Variants in FAM120A observed in about 807,000 individuals in gnomAD.
FAM120A encodes family with sequence similarity 120 member A.
FAM120A carries 15 observed loss-of-function variants against 109.7 expected under a neutral mutation model. That is an observed-to-expected ratio of 0.14 (90% CI 0.09 to 0.21). The LOEUF is 0.21. Ranked by LOEUF, FAM120A falls within the 10% of genes least tolerant of loss-of-function variation. FAM120A has a pLI of 1.00. For synonymous variants in FAM120A, 493 were observed against 572.8 expected, an observed-to-expected ratio of 0.86 and a Z score of 1.99; for missense variants, 899 against 1,439.3, an observed-to-expected ratio of 0.62 and a Z score of 6.07.
At chr9:93,456,272 A>C (rs528207086) in intron 1 of FAM120A, among the ~76,000 whole-genome samples, 1 of 152,324 alleles carries the variant, frequency 6.6e-6, no homozygotes, top group Admixed American at 6.5e-5. Flanking sequence ...TAGTGGCATG[A>C]AGTCACTGGA....
At chr9:93,457,507 A>G (rs1857603119) in intron 1 of FAM120A, among the ~76,000 whole-genome samples, 1 of 152,122 alleles carries the variant, frequency 6.6e-6, no homozygotes, top group South Asian at 2.1e-4. Context: ...CAGTCCCTAA[A>G]TAGTATTCCA....
chr9:93,542,589 C>T (rs955943798), intron 10 of FAM120A, among the ~76,000 whole-genome samples: 1 of 152,198 alleles, frequency 6.6e-6, no homozygotes, highest in African/African-American at 2.4e-5. Flanking sequence ...GATAACTTTA[C>T]ACTCTGTCTG....
chr9:93,558,105 C>A, intron 14 of FAM120A, 95 bp downstream of exon 14: 1 of 1,279,014 alleles, frequency 7.8e-7, no homozygotes, highest in Non-Finnish European at 1.0e-6. Context: ...GCTGTGTTGA[C>A]CTTGTCACTG....
intron 2 of FAM120A, among the ~76,000 whole-genome samples, chr9:93,475,673 A>G (rs1438009654): frequency 6.6e-6 from 1 of 152,204 alleles, no homozygotes; most frequent in Non-Finnish European, 1.5e-5. Flanking sequence ...TGATAGGATG[A>G]GCAGCTTAAT....
intron 8 of FAM120A, among the ~76,000 whole-genome samples, chr9:93,528,589 A>T (rs1471322490): frequency 6.6e-6 from 1 of 152,154 alleles, no homozygotes; most frequent in Non-Finnish European, 1.5e-5. Flanking sequence ...GTGTATGTCC[A>T]TACACTCCAT....
intron 11 of FAM120A, among the ~76,000 whole-genome samples, chr9:93,549,641 G>A (rs1432265168): frequency 6.6e-6 from 1 of 152,200 alleles, no homozygotes; most frequent in Non-Finnish European, 1.5e-5. Flanking sequence ...GGAATGGAAA[G>A]AGCTTTGTTA....
intron 1 of FAM120A, among the ~76,000 whole-genome samples, chr9:93,454,606 G>C (rs1857468885): frequency 6.6e-6 from 1 of 152,144 alleles, no homozygotes; most frequent in African/African-American, 2.4e-5. Flanking sequence ...AGCAAGAAGT[G>C]ACAAGAGAGA....
intron 3 of FAM120A, among the ~76,000 whole-genome samples, chr9:93,484,250 G>T (rs1308788184): frequency 6.6e-6 from 1 of 151,998 alleles, no homozygotes. Flanking sequence ...TTAGGAGTAG[G>T]TCTCCAGTCA....
chr9:93,563,499 G>T (rs1009409007), intron 17 of FAM120A, among the ~76,000 whole-genome samples: 6 of 152,198 alleles, frequency 3.9e-5, no homozygotes, highest in African/African-American at 1.2e-4. Flanking sequence ...TGTTTGTGCT[G>T]CTAAACACCC....
chr9:93,455,714 G>T lies in FAM120A; in HGVS notation c.474+3325G>T, dbSNP rs557681329. Among the ~76,000 whole-genome samples the T allele has an allele frequency of 6.9e-4, 105 of 151,850 alleles. 1 individual carries two copies. The highest frequency in any genetic ancestry group is 2.2e-3 in the African/African-American group (91 of 41,406). On this transcript the variant is annotated intron_variant, in intron 1 of 17. Coordinates refer to ENST00000277165, the MANE Select transcript of FAM120A (RefSeq NM_014612.5). ...GTCTCACTCTGTCTCTCAGGCTGGA[G>T]TGCAGTGGCGCGATCTCGGCTCACT...
intron 10 of FAM120A, among the ~76,000 whole-genome samples, chr9:93,542,760 A>G (rs550676780): frequency 1.3e-5 from 2 of 152,356 alleles, no homozygotes; most frequent in Admixed American, 6.5e-5. Flanking sequence ...CTGCATGCAA[A>G]TTATTTCTCA....
intron 11 of FAM120A, among the ~76,000 whole-genome samples, chr9:93,548,192 GT>G (rs1861961356): frequency 1.3e-5 from 2 of 151,952 alleles, no homozygotes; most frequent in Admixed American, 6.6e-5. Flanking sequence ...TTCAAGCTCC[GT>G]CCTGGGTTCA....
Position 93,529,384 on chromosome 9 carries a change from G to T in FAM120A, c.1538G>T (p.Ser513Ile), listed in dbSNP as rs1432343083. 1 of 1,611,514 alleles carries T rather than the reference G, an allele frequency of 6.2e-7. No individual in the cohort carries two copies. The change falls in exon 9 of 18, where the codon AGC becomes ATC. Residue 513 changes from serine to isoleucine, a missense_variant. Coordinates refer to ENST00000277165, the MANE Select transcript of FAM120A (RefSeq NM_014612.5). ...GGCTCGTCCACTGCCTCTTCAGGAA[G>T]CCAACTAGCCGAAGGCAAGGGAAGC... ...AEGSSTASSG[S>I]QLAEGKGSQM...
rs1385914429 is a variant in FAM120A, at chr9:93,545,122, C to G, written c.2159+1651C>G. On this transcript the variant is annotated intron_variant, in intron 11 of 17. Transcript: ENST00000277165. ...TCTTCTCCACAGATGTTCTGCTTGCCCCTGTGTCTCCCTGCCTCAGCCCTG... is the reference window on the plus strand; with the variant it reads ...TCTTCTCCACAGATGTTCTGCTTGCGCCTGTGTCTCCCTGCCTCAGCCCTG... Among the ~76,000 whole-genome samples, 3 of 152,078 alleles carry G rather than the reference C, an allele frequency of 2.0e-5. No homozygotes were observed. The East Asian group carries it at 5.8e-4, about 29-fold the overall frequency.
Position 93,506,047 on chromosome 9 carries a change from A to G in FAM120A, c.1030+7161A>G, listed in dbSNP as rs534912760. Among the ~76,000 whole-genome samples the G allele has an allele frequency of 1.9e-4, 29 of 152,318 alleles. 1 individual carries two copies. In the Middle Eastern group the frequency reaches 0.01, roughly 54 times the overall value. On this transcript the variant is annotated intron_variant, in intron 5 of 17. Coordinates refer to ENST00000277165, the MANE Select transcript of FAM120A (RefSeq NM_014612.5). ...GCTCAGTTCTGTTGAATTTCTGATT[A>G]TCTTCATGCCACAGGATTATGCCGT...
At position 93,514,560 on chromosome 9, in the gene FAM120A, A is replaced by G. The variant is rs192615841; in HGVS notation, c.1031-1107A>G. ...TTTCTCTGTGTCTTCAGCAGTGTGCATCTTACTTAAACCGCCTCAGGGCTC... is the reference window on the plus strand; with the variant it reads ...TTTCTCTGTGTCTTCAGCAGTGTGCGTCTTACTTAAACCGCCTCAGGGCTC... On this transcript the variant is annotated intron_variant, in intron 5 of 17. Transcript: ENST00000277165. 7.2e-4 allele frequency among the ~76,000 whole-genome samples: 109 copies of G among 152,262 alleles called. 1 individual carries two copies. The highest frequency in any genetic ancestry group is 2.2e-3 in the African/African-American group (90 of 41,546).
rs754331377 is a variant in FAM120A, at chr9:93,452,468, G to T, written c.474+79G>T. ...CCCCCTTCCCAGGGCGCAGAATGTC[G>T]CCCGGCCGTGGCGGCGCTGGGGGCA... On this transcript the variant is annotated intron_variant, in intron 1 of 17. Coordinates refer to ENST00000277165, the MANE Select transcript of FAM120A (RefSeq NM_014612.5). This position sits in a 1 kb window ranked among gnomAD's most constrained non-coding sequence, Gnocchi z 7.0. The T allele has an allele frequency of 2.1e-5, 32 of 1,546,002 alleles. No homozygotes were observed. Among genetic ancestry groups the T allele is most frequent in the African/African-American group, 1.2e-4 (9 of 73,112 alleles).
rs565455113 is a variant in FAM120A at position 93,468,287 on chromosome 9, G to A, written c.475-2854G>A. ...ATTTAAGGAATCTTTGGGGAACCAT[G>A]AAATGCAACACCAAACTGGGGCAGT... On this transcript the variant is annotated intron_variant, in intron 1 of 17. Coordinates refer to ENST00000277165, the MANE Select transcript of FAM120A (RefSeq NM_014612.5). Among the ~76,000 whole-genome samples, 16 of 152,350 alleles carry A rather than the reference G, an allele frequency of 1.1e-4. No individual in the cohort carries two copies. In the South Asian group the frequency reaches 3.3e-3, roughly 32 times the overall value.
At chr9:93,480,949 G>A (rs114132423) in intron 3 of FAM120A, among the ~76,000 whole-genome samples, 5 of 152,320 alleles carry the variant, frequency 3.3e-5, no homozygotes, top group East Asian at 1.9e-4. Flanking sequence ...AATGGAAGGC[G>A]TCAGGCAGCC....
Sources: gnomAD v4.1 joint callset for allele counts (sites outside exome capture counted in the v4.1 genomes callset) on GRCh38, gnomAD v4.1.1 for gene constraint, Gnocchi (gnomAD v3.1) non-coding constraint, MANE v1.5 for transcripts, NCBI Gene and HGNC (gene_info 2026-07-23, HGNC 2026-07-21) for gene names.